TNNI3K: variants seen among roughly 807,000 people sequenced by gnomAD.
TNNI3K encodes the protein TNNI3 interacting kinase, also known as serine/threonine-protein kinase TNNI3K.
Under a neutral mutation model 114.5 loss-of-function variants are expected in TNNI3K, and 140 were observed. That is an observed-to-expected ratio of 1.22 (90% confidence interval 1.07 to 1.41). The LOEUF is 1.41. Ranked by LOEUF, TNNI3K falls within the 40% of genes most tolerant of loss-of-function variation. TNNI3K has a pLI of 0.00. For missense variants in TNNI3K, 1,125 were observed against 1,007.6 expected (o/e 1.12, Z -1.58); for synonymous variants, 347 against 347.5 (o/e 1.00, Z 0.02).
chr1:74,287,467 A>G (rs1360812973), intron 5 of TNNI3K, among the ~76,000 whole-genome samples: 1 of 152,204 alleles, frequency 6.6e-6, no homozygotes, highest in East Asian at 1.9e-4. Flanking sequence ...ACCATGAGAA[A>G]AGTGACTCAT....
At chr1:74,242,369 G>A (rs1355883352) in intron 2 of TNNI3K, among the ~76,000 whole-genome samples, 2 of 152,040 alleles carry the variant, frequency 1.3e-5, no homozygotes. Context: ...ACACCTTTTT[G>A]TACCTTTTCT....
intron 21 of TNNI3K, among the ~76,000 whole-genome samples, chr1:74,476,980 A>G (rs1396033963): frequency 6.6e-6 from 1 of 152,118 alleles, no homozygotes; most frequent in East Asian, 1.9e-4. Flanking sequence ...GAACTCTTAA[A>G]TCTATTTTAA....
At chr1:74,452,592 T>A (rs898654994) in intron 20 of TNNI3K, among the ~76,000 whole-genome samples, 2 of 152,200 alleles carry the variant, frequency 1.3e-5, no homozygotes, top group African/African-American at 4.8e-5. Flanking sequence ...TCTTAAATAG[T>A]ATCCTGCCTT....
chr1:74,276,108 G>C (rs573255910), intron 5 of TNNI3K, among the ~76,000 whole-genome samples: 5 of 152,040 alleles, frequency 3.3e-5, no homozygotes, highest in Non-Finnish European at 5.9e-5. Flanking sequence ...CTTGGGTAAA[G>C]GATTCAATTT....
rs913565748 is a variant in TNNI3K at position 74,412,679 on chromosome 1, A to T, written c.1773-23401A>T. Among the ~76,000 whole-genome samples, 7 of 151,936 alleles carry T rather than the reference A, an allele frequency of 4.6e-5. No individual in the cohort carries two copies. In the East Asian group the frequency reaches 1.4e-3, roughly 29 times the overall value. Reference sequence around the variant, plus strand: ...TCCCAGGCTGGAGTGTAGTGGCGTGATCTCAGTTCACTGGAACCTCCCCCT... The same window carrying T: ...TCCCAGGCTGGAGTGTAGTGGCGTGTTCTCAGTTCACTGGAACCTCCCCCT... On this transcript the variant is annotated intron_variant, in intron 17 of 24. Coordinates refer to ENST00000326637, the MANE Select transcript of TNNI3K (RefSeq NM_015978.3).
At chr1:74,361,200 A>C (rs1203379289) in intron 11 of TNNI3K, among the ~76,000 whole-genome samples, 2 of 152,066 alleles carry the variant, frequency 1.3e-5, no homozygotes, top group Admixed American at 1.3e-4. Flanking sequence ...CTTTCCATGC[A>C]TTGGAACTGC....
In TNNI3K at chr1:74,489,952, G is replaced by A. The variant is rs1390362211; in HGVS notation, c.2181+704G>A. ...GAGGATCATATATGCATTTGCATATGCAGGGAAGGGGCAACAATAGAGAGA... is the reference window on the plus strand; with the variant it reads ...GAGGATCATATATGCATTTGCATATACAGGGAAGGGGCAACAATAGAGAGA... On this transcript the variant is annotated intron_variant, in intron 22 of 24. Coordinates refer to ENST00000326637, the MANE Select transcript of TNNI3K (RefSeq NM_015978.3). 4.7e-5 allele frequency among the ~76,000 whole-genome samples: 7 copies of A among 149,196 alleles called. No individual in the cohort carries two copies. In the Admixed American group the frequency reaches 4.8e-4, roughly 10 times the overall value.
intron 5 of TNNI3K, among the ~76,000 whole-genome samples, chr1:74,322,283 T>G (rs1659653552): frequency 6.6e-6 from 1 of 152,126 alleles, no homozygotes; most frequent in African/African-American, 2.4e-5. Context: ...TACAAGTAAT[T>G]AAGAGACAAA....
At chr1:74,502,674 A>C (rs772085112) in intron 23 of TNNI3K, among the ~76,000 whole-genome samples, 17 of 152,198 alleles carry the variant, frequency 1.1e-4, no homozygotes, top group Non-Finnish European at 2.1e-4. Context: ...GTCTATGGCC[A>C]ATAGCCTTTG....
intron 17 of TNNI3K, among the ~76,000 whole-genome samples, chr1:74,433,372 G>GC (rs1321450435): frequency 6.6e-6 from 1 of 151,964 alleles, no homozygotes; most frequent in Admixed American, 6.6e-5. Flanking sequence ...AACCCTGCCT[G>GC]CCCCCCTTCA....
At chr1:74,351,371 C>T (rs1661329259) in intron 9 of TNNI3K, among the ~76,000 whole-genome samples, 1 of 151,264 alleles carries the variant, frequency 6.6e-6, no homozygotes, top group South Asian at 2.1e-4. Flanking sequence ...TGTGGGTAAC[C>T]CAACCTTTCT....
At chr1:74,470,608 T>C (rs1194521474) in intron 21 of TNNI3K, 1 of 400,602 alleles carries the variant, frequency 2.5e-6, no homozygotes, top group Non-Finnish European at 4.4e-6. Flanking sequence ...GAGAGAGGAA[T>C]CATAAGTTTC....
At chr1:74,451,259 G>A (rs968319673) in intron 20 of TNNI3K, among the ~76,000 whole-genome samples, 5 of 152,108 alleles carry the variant, frequency 3.3e-5, no homozygotes, top group Non-Finnish European at 5.9e-5. Context: ...AAGGCAGGGG[G>A]AGGGAGAGCA....
At chr1:74,432,380 G>A (rs1665940599) in intron 17 of TNNI3K, among the ~76,000 whole-genome samples, 2 of 152,212 alleles carry the variant, frequency 1.3e-5, no homozygotes, top group African/African-American at 4.8e-5. Context: ...GCAAATGGAT[G>A]TAAATAAACC....
At chr1:74,422,010 C>A (rs1160923065) in intron 17 of TNNI3K, among the ~76,000 whole-genome samples, 1 of 149,766 alleles carries the variant, frequency 6.7e-6, no homozygotes, top group African/African-American at 2.4e-5. Context: ...TAGATTTTTT[C>A]AGCACAATTA....
intron 5 of TNNI3K, among the ~76,000 whole-genome samples, chr1:74,305,013 T>G (rs1303073785): frequency 6.6e-6 from 1 of 152,192 alleles, no homozygotes; most frequent in Non-Finnish European, 1.5e-5. Flanking sequence ...CTATTTTAGT[T>G]ATTAATTATA....
At chr1:74,516,835 A>G (rs1646355153) in intron 23 of TNNI3K, among the ~76,000 whole-genome samples, 1 of 152,186 alleles carries the variant, frequency 6.6e-6, no homozygotes, top group African/African-American at 2.4e-5. Flanking sequence ...GGGATTTTTC[A>G]GTGTTGGAAT....
chr1:74,467,197 A>G (rs1160846496), intron 21 of TNNI3K, among the ~76,000 whole-genome samples: 7 of 152,236 alleles, frequency 4.6e-5, no homozygotes, highest in Non-Finnish European at 1.0e-4. Context: ...GGGAAAGACT[A>G]GTAGCAGTTG....
At chr1:74,507,278 G>A (rs543913180) in intron 23 of TNNI3K, among the ~76,000 whole-genome samples, 4 of 137,128 alleles carry the variant, frequency 2.9e-5, no homozygotes, top group Non-Finnish European at 4.6e-5. Context: ...TTAAGACCAA[G>A]TTCAATCCCA....
Sources: allele counts gnomAD v4.1 joint callset (sites outside exome capture counted in the v4.1 genomes callset), GRCh38; gene constraint gnomAD v4.1.1; transcripts MANE v1.5; gene names NCBI Gene and HGNC (gene_info 2026-07-23, HGNC 2026-07-21).